The following STRBP variants were observed in gnomAD, a reference collection of about 807,000 sequenced individuals.
The protein encoded by STRBP is spermatid perinuclear RNA binding protein, also known as spermatid perinuclear RNA-binding protein.
Under a neutral mutation model 80.1 loss-of-function variants are expected in STRBP, and 13 were observed. That is an observed-to-expected ratio of 0.16 (90% CI 0.11 to 0.26). The LOEUF is 0.26. STRBP is among the 10% of genes least tolerant of loss of function. The pLI is 1.00. For missense variants in STRBP, 485 were observed against 815.2 expected (o/e 0.59, Z 4.93); for synonymous variants, 284 against 291.2 (o/e 0.98, Z 0.25).
intron 2 of STRBP, among the ~76,000 whole-genome samples, chr9:123,206,253 T>G (rs547097923): frequency 1.7e-5 from 2 of 115,082 alleles, no homozygotes; most frequent in East Asian, 7.6e-4. Context: ...TCCTTAAAAG[T>G]GTATGTTTTG....
At chr9:123,204,707 G>T (rs1239805395) in intron 2 of STRBP, among the ~76,000 whole-genome samples, 1 of 151,068 alleles carries the variant, frequency 6.6e-6, no homozygotes, top group African/African-American at 2.4e-5. Context: ...CACAAGGTCA[G>T]GAGATCGAGA....
chr9:123,246,304 G>A (rs1049616175), intron 1 of STRBP, among the ~76,000 whole-genome samples: 12 of 152,190 alleles, frequency 7.9e-5, no homozygotes, highest in Non-Finnish European at 1.5e-4. Context: ...AAAACTAAAT[G>A]TCACATAAGA....
chr9:123,116,037 G>C (rs146175552), exon 3 of STRBP: 2 of 456,124 alleles, frequency 4.4e-6, no homozygotes, highest in Non-Finnish European at 8.8e-6. Context: ...TTCCCCAGGT[G>C]CCAATTTCCA....
intron 1 of STRBP, among the ~76,000 whole-genome samples, chr9:123,266,967 G>A (rs1231639799): frequency 6.6e-6 from 1 of 151,084 alleles, no homozygotes; most frequent in South Asian, 2.1e-4. Context: ...TTCCCCTCCA[G>A]TCTATCCCGT....
intron 2 of STRBP, among the ~76,000 whole-genome samples, chr9:123,212,083 C>A (rs1275474896): frequency 6.6e-6 from 1 of 152,184 alleles, no homozygotes. Flanking sequence ...TGCAAAACTT[C>A]TTCCTTAATA....
intron 13 of STRBP, among the ~76,000 whole-genome samples, chr9:123,140,596 AAAAACAAACAAAC>A (rs1188677686): frequency 1.3e-5 from 2 of 152,170 alleles, no homozygotes; most frequent in African/African-American, 4.8e-5. Flanking sequence ...TCTGTCTCAA[AAAAACAAACAAAC>A]AAAACAAACA....
chr9:123,146,913 G>T lies in STRBP; in HGVS notation c.1280C>A (p.Thr427Lys), dbSNP rs1484222957. ...GGATGGTCCTGAGGCTTCATATGTTGTGCCATCCACATCTACAGACATTGT... is the reference window on the plus strand; with the variant it reads ...GGATGGTCCTGAGGCTTCATATGTTTTGCCATCCACATCTACAGACATTGT... Reference protein sequence around the residue: ...VFTMSVDVDGTTYEASGPSKK... With the variant: ...VFTMSVDVDGKTYEASGPSKK... Residue 427 changes from threonine (T) to lysine (K), a missense_variant, in exon 13 of 19, where the codon ACA becomes AAA. Transcript: ENST00000348403. 1 of 1,613,906 alleles carries T rather than the reference G, an allele frequency of 6.2e-7. No homozygotes were observed. Among genetic ancestry groups the T allele is most frequent in the African/African-American group, 1.3e-5 (1 of 74,878 alleles).
In STRBP at chr9:123,128,272, G is replaced by C; in HGVS notation, c.1898-14C>G. On this transcript the variant is annotated splice_polypyrimidine_tract_variant and intron_variant, in intron 17 of 18. Transcript: ENST00000348403. The stretch of plus-strand genomic sequence containing the variant: ...GTGTTCCATAGCCTAGTGCAAAGAA[G>C]AAGAAGGCAGATCAGTCCAAGACCC... The C allele has an allele frequency of 1.2e-6, 2 of 1,614,170 alleles. No individual in the cohort carries two copies. Among genetic ancestry groups the C allele is most frequent in the Non-Finnish European group, 1.7e-6 (2 of 1,180,022 alleles).
intron 17 of STRBP, 96 bp from the exon 18 acceptor site, chr9:123,128,354 G>A (rs961098580): frequency 4.3e-5 from 60 of 1,389,052 alleles, no homozygotes; most frequent in Admixed American, 1.0e-4. Flanking sequence ...CCCTGGGCCC[G>A]GAGGACTTCT....
chr9:123,127,121 C>A (rs2035926946), intron 18 of STRBP, among the ~76,000 whole-genome samples: 1 of 152,174 alleles, frequency 6.6e-6, no homozygotes, highest in African/African-American at 2.4e-5. Flanking sequence ...AGCTTCACAT[C>A]TTTCTAGGAT....
At chr9:123,144,699 A>G (rs969896264) in intron 13 of STRBP, among the ~76,000 whole-genome samples, 3 of 152,220 alleles carry the variant, frequency 2.0e-5, no homozygotes, top group Admixed American at 6.5e-5. Context: ...TACATTTATA[A>G]TAAGATTTAA....
At chr9:123,234,665 T>C (rs1011260664) in intron 2 of STRBP, among the ~76,000 whole-genome samples, 21 of 152,112 alleles carry the variant, frequency 1.4e-4, no homozygotes, top group South Asian at 6.2e-4. Context: ...CATAAACATT[T>C]TGTATTTGTT....
chr9:123,162,779 ACT>A (rs1318165930), intron 6 of STRBP, among the ~76,000 whole-genome samples: 1 of 152,210 alleles, frequency 6.6e-6, no homozygotes, highest in Non-Finnish European at 1.5e-5. Flanking sequence ...AAGGATTATT[ACT>A]CTGATTTATA....
At chr9:123,214,417 G>A (rs1010164963) in intron 2 of STRBP, among the ~76,000 whole-genome samples, 3 of 152,010 alleles carry the variant, frequency 2.0e-5, no homozygotes, top group Non-Finnish European at 4.4e-5. Flanking sequence ...GGTGATGGGT[G>A]CACCAAAATC....
chr9:123,148,969 A>G (rs925075826), intron 11 of STRBP, among the ~76,000 whole-genome samples: 1 of 152,242 alleles, frequency 6.6e-6, no homozygotes, highest in African/African-American at 2.4e-5. Flanking sequence ...AATGTTGTCA[A>G]GCAAAAGGCA....
intron 2 of STRBP, among the ~76,000 whole-genome samples, chr9:123,217,090 A>G (rs1286646704): frequency 6.6e-6 from 1 of 152,162 alleles, no homozygotes; most frequent in Non-Finnish European, 1.5e-5. Flanking sequence ...TCACCCAATA[A>G]CTTAAAGTCA....
At chr9:123,130,928 A>G (rs762943528) in intron 17 of STRBP, among the ~76,000 whole-genome samples, 12 of 152,024 alleles carry the variant, frequency 7.9e-5, no homozygotes, top group Non-Finnish European at 1.6e-4. Context: ...TAGCAATACT[A>G]TCAATGTCTC....
At chr9:123,162,405 A>T (rs944527087) in intron 6 of STRBP, among the ~76,000 whole-genome samples, 4 of 151,904 alleles carry the variant, frequency 2.6e-5, no homozygotes, top group African/African-American at 9.7e-5. Context: ...TTTTGTAGAT[A>T]TGGGATCTCA....
At chr9:123,190,008 G>A (rs1051206607) in intron 2 of STRBP, among the ~76,000 whole-genome samples, 1 of 152,010 alleles carries the variant, frequency 6.6e-6, no homozygotes, top group African/African-American at 2.4e-5. Flanking sequence ...GGCCAGGTGC[G>A]GTGGCTCACA....
Sources: allele counts gnomAD v4.1 joint callset (sites outside exome capture counted in the v4.1 genomes callset), GRCh38; gene constraint gnomAD v4.1.1; transcripts MANE v1.5; gene names NCBI Gene and HGNC (gene_info 2026-07-23, HGNC 2026-07-21).